The following SAMD4B variants were observed in gnomAD, a reference collection of about 807,000 sequenced individuals.
SAMD4B encodes the protein sterile alpha motif domain containing 4B, also known as protein Smaug homolog 2.
A neutral mutation model predicts 74.5 loss-of-function variants in SAMD4B; 5 were observed. That is an observed-to-expected ratio of 0.07 (90% CI 0.04 to 0.14). SAMD4B has a LOEUF of 0.14. SAMD4B is among the 10% of genes least tolerant of loss of function. The pLI is 1.00. For synonymous variants in SAMD4B, 373 were observed against 374.9 expected (o/e 1.00, Z 0.06); for missense variants, 608 against 921.8 (o/e 0.66, Z 4.41).
At chr19:39,350,993 G>GT (rs1301118108) in intron 1 of SAMD4B, 1 of 151,494 alleles carries the variant, frequency 6.6e-6, no homozygotes, top group Non-Finnish European at 1.5e-5. Flanking sequence ...TTTTGTTTTT[G>GT]TTTTTTGAGA....
intron 3 of SAMD4B, among the ~76,000 whole-genome samples, chr19:39,359,734 C>G (rs2076539374): frequency 6.6e-6 from 1 of 152,176 alleles, no homozygotes; most frequent in Admixed American, 6.5e-5. Context: ...AATTTGACTT[C>G]AGAGTTCTTT....
chr19:39,379,627 A>G (rs927112283), intron 9 of SAMD4B, among the ~76,000 whole-genome samples: 10 of 152,018 alleles, frequency 6.6e-5, no homozygotes, highest in Admixed American at 5.9e-4. Context: ...CTGGAGTGCA[A>G]TGGCGCAGTC....
At chr19:39,367,669 C>A (rs575402647) in intron 3 of SAMD4B, among the ~76,000 whole-genome samples, 2 of 151,458 alleles carry the variant, frequency 1.3e-5, no homozygotes, top group Non-Finnish European at 2.9e-5. Flanking sequence ...CCACCATGCC[C>A]GGTTAATTTT....
Position 39,380,981 on chromosome 19 carries a change from C to T in SAMD4B, c.1849-9C>T, listed in dbSNP as rs201737047. 7 of 1,599,962 alleles carry T rather than the reference C, an allele frequency of 4.4e-6. No homozygotes were observed. The East Asian group carries it at 6.7e-5, about 15-fold the overall frequency. The stretch of plus-strand genomic sequence containing the variant: ...CTCACTACTTTCTCTCTTCCTGGGA[C>T]CTGTGTAGAACCTGTGGTTTGCCAA... On this transcript the variant is annotated splice_polypyrimidine_tract_variant and intron_variant, in intron 11 of 13. Transcript: ENST00000610417.
chr19:39,343,933 A>T (rs1474450325), intron 1 of SAMD4B, among the ~76,000 whole-genome samples: 1 of 150,494 alleles, frequency 6.6e-6, no homozygotes, highest in Non-Finnish European at 1.5e-5. Flanking sequence ...CAACCCCTGT[A>T]AGACCGTAAG....
chr19:39,360,781 C>T (rs2076600268), intron 3 of SAMD4B, among the ~76,000 whole-genome samples: 1 of 152,180 alleles, frequency 6.6e-6, no homozygotes, highest in Non-Finnish European at 1.5e-5. Context: ...TGGTGTTTCT[C>T]AAACTTGCAT....
At chr19:39,380,337 C>T (rs574986315) in intron 10 of SAMD4B, among the ~76,000 whole-genome samples, 23 of 152,318 alleles carry the variant, frequency 1.5e-4, no homozygotes, top group African/African-American at 5.3e-4. Flanking sequence ...CCTCCTTAGA[C>T]CAGACAAATA....
Position 39,369,818 on chromosome 19 carries a change from G to A in SAMD4B, c.360G>A (p.Glu120=), listed in dbSNP as rs1181844200. 6.2e-7 allele frequency: 1 copy of A among 1,614,244 alleles called. No individual in the cohort carries two copies. The highest frequency in any genetic ancestry group is 8.5e-7 in the Non-Finnish European group (1 of 1,180,050). Residue 120 remains glutamate, a synonymous_variant, in exon 4 of 14, where the codon GAG becomes GAA. Coordinates refer to ENST00000610417, the MANE Select transcript of SAMD4B (RefSeq NM_001384574.2). ...AYSIESNAFI[E]ESRQLLSYAL... is the part of the protein sequence containing the mutation. ...CAATCGAGAGCAATGCTTTCATCGA[G>A]GAGAGTCGCCAGCTGCTTTCCTATG...
chr19:39,353,006 C>A (rs558685870), intron 1 of SAMD4B, among the ~76,000 whole-genome samples: 100 of 152,328 alleles, frequency 6.6e-4, no homozygotes, highest in Middle Eastern at 6.8e-3. Flanking sequence ...CCAGCCTCCG[C>A]TTGACCACTT....
At position 39,357,073 on chromosome 19, in the gene SAMD4B, G is replaced by A. The variant is rs377741575; in HGVS notation, c.180G>A (p.Ser60=). ...GCAATGACATCCACCTGCTGGAGTC[G>A]GAGGCCAACAGTGCTGGTGAGTTTC... The part of the protein sequence containing the change: ...ADCNDIHLLE[S]EANSAAIVSQ... The change falls in exon 3 of 14, where the codon TCG becomes TCA. Residue 60 remains serine, a synonymous_variant. Transcript: ENST00000610417. The A allele has an allele frequency of 3.9e-5, 63 of 1,610,446 alleles. No homozygotes were observed. The highest frequency in any genetic ancestry group is 1.1e-4 in the East Asian group (5 of 44,756).
intron 11 of SAMD4B, 39 bp from the exon 12 acceptor site, chr19:39,380,951 C>T (rs1458142087): frequency 1.9e-6 from 3 of 1,573,968 alleles, no homozygotes; most frequent in South Asian, 2.4e-5. Flanking sequence ...TGGGCCTCTT[C>T]TGCACTCACT....
At chr19:39,368,857 A>G (rs1259640509) in intron 3 of SAMD4B, among the ~76,000 whole-genome samples, 1 of 152,210 alleles carries the variant, frequency 6.6e-6, no homozygotes, top group Non-Finnish European at 1.5e-5. Context: ...GGTTCAAGGT[A>G]GCTTACCAAG....
intron 1 of SAMD4B, among the ~76,000 whole-genome samples, chr19:39,344,698 C>T (rs1282145867): frequency 6.6e-6 from 1 of 152,152 alleles, no homozygotes; most frequent in Non-Finnish European, 1.5e-5. Context: ...CTTCAGAGGT[C>T]CCCAACATTC....
At chr19:39,377,187 G>A (rs2077652773) in intron 7 of SAMD4B, among the ~76,000 whole-genome samples, 1 of 152,030 alleles carries the variant, frequency 6.6e-6, no homozygotes, top group African/African-American at 2.4e-5. Context: ...CCTTCTGTTT[G>A]TATTTTTCCC....
chr19:39,383,573 C>T lies in SAMD4B; in HGVS notation c.*46C>T, dbSNP rs1180146361. The T allele has an allele frequency of 3.1e-6, 5 of 1,614,140 alleles. No homozygotes were observed. The highest frequency in any genetic ancestry group is 4.2e-6 in the Non-Finnish European group (5 of 1,180,014). On this transcript the variant is annotated 3_prime_UTR_variant, in exon 14 of 14. Transcript: ENST00000610417. This position sits in a 1 kb window ranked among gnomAD's most constrained non-coding sequence, Gnocchi z 4.1. ...ACCCATAGGCTCCCTGGGCGGCGGG[C>T]GGGGGCCAACCCCCAACGGGCTTCT...
At chr19:39,387,582 T>C (rs1381414256), downstream of SAMD4B, among the ~76,000 whole-genome samples, 2 of 152,214 alleles carry the variant, frequency 1.3e-5, no homozygotes, top group African/African-American at 4.8e-5. Flanking sequence ...TCACAGTTCT[T>C]GTAATCTCTG....
At chr19:39,389,421 C>T, downstream of SAMD4B, 3 of 1,611,304 alleles carry the variant, frequency 1.9e-6, no homozygotes, top group Admixed American at 1.7e-5. The surrounding 1 kb of genome is among the most constrained non-coding windows in gnomAD (Gnocchi z 5.3). Context: ...ACCCCACTGC[C>T]CTCCTGCTTG....
rs148630842 is a variant in SAMD4B, at chr19:39,370,366, T to G, written c.667+241T>G. Among the ~76,000 whole-genome samples the G allele has an allele frequency of 4.7e-3, 720 of 152,336 alleles. 5 individuals are homozygous for G. The highest frequency in any genetic ancestry group is 0.016 in the African/African-American group (658 of 41,570). ...TTGTTGTGTTGGGTTTTTAAATAAA[T>G]GTGAGTGGTACAAAGAATCAAGAAT... On this transcript the variant is annotated intron_variant, in intron 4 of 13. Transcript: ENST00000610417.
chr19:39,371,459 G>A (rs2077290659), intron 4 of SAMD4B, among the ~76,000 whole-genome samples: 1 of 152,194 alleles, frequency 6.6e-6, no homozygotes, highest in Non-Finnish European at 1.5e-5. Context: ...TCATTTTCCA[G>A]TCATGGAGCA....
Sources: gnomAD v4.1 joint callset for allele counts (sites outside exome capture counted in the v4.1 genomes callset) on GRCh38, gnomAD v4.1.1 for gene constraint, Gnocchi (gnomAD v3.1) non-coding constraint, MANE v1.5 for transcripts, NCBI Gene and HGNC (gene_info 2026-07-23, HGNC 2026-07-21) for gene names.